ADGRB1: variants seen among roughly 807,000 people sequenced by gnomAD.
ADGRB1 encodes brain-specific angiogenesis inhibitor 1.
ADGRB1 carries 36 observed loss-of-function variants against 175.7 expected under a neutral mutation model. That is an observed-to-expected ratio of 0.20 (90% CI 0.16 to 0.27). ADGRB1 has a LOEUF of 0.27. Among genes scored for constraint, ADGRB1 ranks in the 10% least tolerant of loss-of-function variants. ADGRB1 has a pLI of 1.00. For missense variants in ADGRB1, 1,731 were observed against 2,255.3 expected (o/e 0.77, Z 4.71); for synonymous variants, 1,054 against 979.4 (o/e 1.08, Z -1.42).
chr8:142,515,216 A>G (rs1162394948), intron 18 of ADGRB1, among the ~76,000 whole-genome samples: 1 of 152,162 alleles, frequency 6.6e-6, no homozygotes, highest in African/African-American at 2.4e-5. Flanking sequence ...GGGGCCTGGC[A>G]TGTGCAAGGG....
At chr8:142,499,361 G>A (rs1315104731) in intron 17 of ADGRB1, among the ~76,000 whole-genome samples, 3 of 152,204 alleles carry the variant, frequency 2.0e-5, no homozygotes, top group African/African-American at 4.8e-5. Context: ...GGTGGGCACC[G>A]TCCTACCCTC....
chr8:142,468,090 C>T lies in ADGRB1; in HGVS notation c.784+3108C>T, dbSNP rs77185214. Among the ~76,000 whole-genome samples, 1,435 of 152,202 alleles carry T rather than the reference C, an allele frequency of 9.4e-3. 7 individuals carry two copies. Among genetic ancestry groups the T allele is most frequent in the Non-Finnish European group, 0.015 (998 of 68,018 alleles). The stretch of plus-strand genomic sequence containing the variant: ...CATTCATGCAAGTGTGTTGTGTGTG[C>T]GTGTTCATGCATGTGCGTGTGCAAG... On this transcript the variant is annotated intron_variant, in intron 2 of 30. Coordinates refer to ENST00000517894, the MANE Select transcript of ADGRB1 (RefSeq NM_001702.3).
intron 3 of ADGRB1, 56 bp downstream of exon 3, chr8:142,475,691 GGGAGGAGAGGGGGGTGGGGCCCTGGAGA>G: frequency 8.2e-7 from 1 of 1,213,272 alleles, no homozygotes; most frequent in Non-Finnish European, 1.0e-6. Context: ...GGGCCTGTGA[GGGAGGAGAGGGGGGTGGGGCCCTGGAGA>G]GGAGGGGCCC....
intron 17 of ADGRB1, among the ~76,000 whole-genome samples, chr8:142,495,328 C>G (rs2131914777): frequency 6.6e-6 from 1 of 151,904 alleles, no homozygotes; most frequent in South Asian, 2.1e-4. Flanking sequence ...TGGATGACAG[C>G]ATGCATGGAA....
Position 142,492,127 on chromosome 8 carries a change from C to T in ADGRB1, c.2675+1312C>T, listed in dbSNP as rs1313445923. 6.6e-6 allele frequency among the ~76,000 whole-genome samples: 1 copy of T among 152,020 alleles called. No homozygotes were observed. The highest frequency in any genetic ancestry group is 1.5e-5 in the Non-Finnish European group (1 of 68,012). On this transcript the variant is annotated intron_variant, in intron 17 of 30. Transcript: ENST00000517894. This position sits in a 1 kb window ranked among gnomAD's most constrained non-coding sequence, Gnocchi z 4.4. Reference sequence around the variant, plus strand: ...TTTAATCTATACCCACTGCCACCACCCTCCACCCACCAACCATCAACCCTC... The same window carrying T: ...TTTAATCTATACCCACTGCCACCACTCTCCACCCACCAACCATCAACCCTC...
rs1156658930 is a variant in ADGRB1, at chr8:142,464,747, T to G, written c.549T>G (p.Arg183=). The change falls in exon 2 of 31, where the codon CGT becomes CGG. Residue 183 remains arginine (R), a synonymous_variant. Transcript: ENST00000517894. ...YLVVGNRNPS[R]AACQMLCRWL... Reference sequence around the variant, plus strand: ...TGGTGGGGAACCGCAACCCCAGCCGTGCCGCCTGCCAGATGCTGTGCCGCT... The same window carrying G: ...TGGTGGGGAACCGCAACCCCAGCCGGGCCGCCTGCCAGATGCTGTGCCGCT... 8 of 1,534,412 alleles carry G rather than the reference T, an allele frequency of 5.2e-6. No homozygotes were observed. The South Asian group carries it at 9.5e-5, about 18-fold the overall frequency.
rs1484430374 is a variant in ADGRB1 at position 142,464,783 on chromosome 8, G to A, written c.585G>A (p.Ala195=). Residue 195 remains alanine, a synonymous_variant, in exon 2 of 31, where the codon GCG becomes GCA. Coordinates refer to ENST00000517894, the MANE Select transcript of ADGRB1 (RefSeq NM_001702.3). ...ACQMLCRWLD[A]CLAGSRSSHP... ...AGATGCTGTGCCGCTGGCTGGACGC[G>A]TGTCTGGCCGGTAGTCGCAGCTCGC... 1.3e-6 allele frequency: 2 copies of A among 1,535,078 alleles called. No homozygotes were observed. The highest frequency in any genetic ancestry group is 2.4e-5 in the South Asian group (2 of 83,966).
rs773374750 is a variant in ADGRB1, at chr8:142,524,211, G to C, written c.3246-27G>C. The C allele has an allele frequency of 2.5e-6, 4 of 1,591,326 alleles. No individual in the cohort carries two copies. The East Asian group carries it at 9.0e-5, about 36-fold the overall frequency. On this transcript the variant is annotated intron_variant, in intron 22 of 30. Coordinates refer to ENST00000517894, the MANE Select transcript of ADGRB1 (RefSeq NM_001702.3). Reference sequence around the variant, plus strand: ...TCTGCACGCCCCTCTGCACACGGGCGGTGCTGATGGCCTGTCTCCTCCCCA... The same window carrying C: ...TCTGCACGCCCCTCTGCACACGGGCCGTGCTGATGGCCTGTCTCCTCCCCA...
chr8:142,488,729 G>A (rs529664022), intron 14 of ADGRB1, among the ~76,000 whole-genome samples: 2 of 152,282 alleles, frequency 1.3e-5, no homozygotes, highest in South Asian at 4.1e-4. Context: ...TTGCTTCAGG[G>A]AGGGACAGGG....
intron 25 of ADGRB1, among the ~76,000 whole-genome samples, chr8:142,535,835 G>C (rs892949641): frequency 6.6e-6 from 1 of 152,152 alleles, no homozygotes; most frequent in Non-Finnish European, 1.5e-5. Flanking sequence ...GTCCATGAGG[G>C]AGAGGATGGC....
At chr8:142,523,151 G>C (rs1341721583) in intron 22 of ADGRB1, among the ~76,000 whole-genome samples, 5 of 152,256 alleles carry the variant, frequency 3.3e-5, no homozygotes, top group Non-Finnish European at 5.9e-5. Flanking sequence ...TTATTTCACA[G>C]ATGATGTCAC....
intron 1 of ADGRB1, among the ~76,000 whole-genome samples, chr8:142,458,368 C>A (rs191386282): frequency 6.6e-6 from 1 of 152,078 alleles, no homozygotes; most frequent in Admixed American, 6.6e-5. Context: ...AGGATGGCGG[C>A]GGGAGGCGGG....
intron 2 of ADGRB1, among the ~76,000 whole-genome samples, chr8:142,466,587 G>A (rs970308158): frequency 6.6e-6 from 1 of 152,240 alleles, no homozygotes; most frequent in Non-Finnish European, 1.5e-5. Flanking sequence ...TGCGTCAGGT[G>A]CCGCCAGCGG....
chr8:142,520,909 C>T lies in ADGRB1; in HGVS notation c.3008C>T (p.Thr1003Ile). The T allele has an allele frequency of 6.2e-7, 1 of 1,613,264 alleles. No homozygotes were observed. Among genetic ancestry groups the T allele is most frequent in the Non-Finnish European group, 8.5e-7 (1 of 1,179,340 alleles). Residue 1003 changes from threonine to isoleucine, a missense_variant, in exon 20 of 31, where the codon ACC becomes ATC. By Grantham distance (89) the Thr-to-Ile change is moderately conservative. Around this residue, in one of 8 missense-constraint regions of ADGRB1, gnomAD observed 301 missense variants for 488.4 expected, o/e 0.62. Transcript: ENST00000517894. ...AATGCCCTCATCCTCATCGGGCAGA[C>T]CCAGACCCGCAACAAGGTAGGCAGC... ...SSNALILIGQTQTRNKVVCTL... is the reference protein window; with the variant it reads ...SSNALILIGQIQTRNKVVCTL...
At chr8:142,451,553 A>T (rs762082786) in intron 1 of ADGRB1, among the ~76,000 whole-genome samples, 11 of 152,170 alleles carry the variant, frequency 7.2e-5, no homozygotes, top group Non-Finnish European at 4.4e-5. Context: ...CTCCCGCCCC[A>T]GAGGAGCCGC....
chr8:142,479,263 G>A, intron 7 of ADGRB1, 60 bp from the exon 8 acceptor site: 1 of 1,414,288 alleles, frequency 7.1e-7, no homozygotes, highest in Non-Finnish European at 9.2e-7. Context: ...TCCTGTCACT[G>A]TGGCTCCTGG....
rs2132035060 is a variant in ADGRB1, at chr8:142,510,415, G to T, written c.2676-517G>T. ...CCCAAGGTCGTCAGCTCCAGCCGGC[G>T]CCCTGGGCCGCGGGGCCGGAGAGCT... is the stretch of plus-strand genomic sequence containing the variant. On this transcript the variant is annotated intron_variant, in intron 17 of 30. Transcript: ENST00000517894. The surrounding 1 kb of genome is among the most constrained non-coding windows in gnomAD (Gnocchi z 6.3). 6.6e-6 allele frequency among the ~76,000 whole-genome samples: 1 copy of T among 152,058 alleles called. No individual in the cohort carries two copies. The highest frequency in any genetic ancestry group is 2.1e-4 in the South Asian group (1 of 4,824).
intron 17 of ADGRB1, among the ~76,000 whole-genome samples, chr8:142,500,246 C>T (rs1399849089): frequency 2.4e-5 from 3 of 122,738 alleles, no homozygotes; most frequent in Admixed American, 8.0e-5. Flanking sequence ...CCTCCCCACG[C>T]GCCGCTCCTC....
rs1334999925 is a variant in ADGRB1, at chr8:142,518,529, T to A, written c.2921+288T>A. ...CCCCCTTTGCCTGCACTTCCTGACT[T>A]CCCTGTCTACCCTTAGGCATGCAGG... On this transcript the variant is annotated intron_variant, in intron 19 of 30. Coordinates refer to ENST00000517894, the MANE Select transcript of ADGRB1 (RefSeq NM_001702.3). Among the ~76,000 whole-genome samples, 7 of 152,086 alleles carry A rather than the reference T, an allele frequency of 4.6e-5. No homozygotes were observed. The East Asian group carries it at 1.4e-3, about 29-fold the overall frequency.
Sources: allele counts gnomAD v4.1 joint callset (sites outside exome capture counted in the v4.1 genomes callset), GRCh38; gene constraint gnomAD v4.1.1; regional missense constraint gnomAD v4.1.1; non-coding constraint Gnocchi (gnomAD v3.1); transcripts MANE v1.5; gene names NCBI Gene and HGNC (gene_info 2026-07-23, HGNC 2026-07-21).